The following CNTN5 variants were observed in gnomAD, a reference collection of about 807,000 sequenced individuals.
CNTN5 encodes contactin-5.
In CNTN5, 77 loss-of-function variants were observed where a neutral mutation model predicts 129.1. That is an observed-to-expected ratio of 0.60 (90% confidence interval 0.50 to 0.72). The LOEUF is 0.72. CNTN5 is among the 30% of genes least tolerant of loss of function. The pLI, the probability that CNTN5 is intolerant of heterozygous loss-of-function variation, is 0.00. For missense variants in CNTN5, 1,478 were observed against 1,328.8 expected, an observed-to-expected ratio of 1.11 and a Z score of -1.75; for synonymous variants, 509 against 465.6, an observed-to-expected ratio of 1.09 and a Z score of -1.20.
intron 1 of CNTN5, among the ~76,000 whole-genome samples, chr11:99,321,110 G>A (rs1422553320): frequency 6.6e-6 from 1 of 151,990 alleles, no homozygotes; most frequent in Admixed American, 6.6e-5. Flanking sequence ...TGGACTGGAA[G>A]TACGTTTTTG....
At chr11:99,984,028 G>A (rs1398773047) in intron 8 of CNTN5, among the ~76,000 whole-genome samples, 1 of 152,172 alleles carries the variant, frequency 6.6e-6, no homozygotes, top group Non-Finnish European at 1.5e-5. Flanking sequence ...AGCACTTTGG[G>A]AGGCTGAGGC....
intron 2 of CNTN5, among the ~76,000 whole-genome samples, chr11:99,543,536 T>C (rs1190474307): frequency 3.3e-5 from 5 of 152,174 alleles, no homozygotes; most frequent in African/African-American, 1.2e-4. Context: ...ATCTCAAAGA[T>C]TGTGTGAGTC....
chr11:99,289,018 C>T (rs1219812761), intron 1 of CNTN5, among the ~76,000 whole-genome samples: 1 of 151,774 alleles, frequency 6.6e-6, no homozygotes, highest in Admixed American at 6.6e-5. Context: ...AGATTTCCTT[C>T]CCAGTTCCAC....
chr11:99,677,900 C>T (rs1016647659), intron 3 of CNTN5, among the ~76,000 whole-genome samples: 1 of 152,044 alleles, frequency 6.6e-6, no homozygotes, highest in African/African-American at 2.4e-5. Flanking sequence ...TACCAAACAC[C>T]TTTTCATTAC....
At chr11:99,023,743 C>G (rs1287243152) in intron 1 of CNTN5, among the ~76,000 whole-genome samples, 1 of 152,012 alleles carries the variant, frequency 6.6e-6, no homozygotes, top group Non-Finnish European at 1.5e-5. Context: ...ATCTTGATTA[C>G]CTATTGTCTT....
chr11:99,825,199 CTT>C (rs1488522958), intron 4 of CNTN5, among the ~76,000 whole-genome samples: 2 of 151,942 alleles, frequency 1.3e-5, no homozygotes, highest in Non-Finnish European at 2.9e-5. Flanking sequence ...CTGCCAGACT[CTT>C]TAATTTCTTT....
At position 99,754,138 on chromosome 11, in the gene CNTN5, C is replaced by T. The variant is rs111694599; in HGVS notation, c.56-65406C>T. On this transcript the variant is annotated intron_variant, in intron 3 of 24. Transcript: ENST00000524871. ...CCAAACTGGCTTTATGGCTGTTGTC[C>T]ATTTGATTGCTTAGCGTGTGTATCT... 4.9e-3 allele frequency among the ~76,000 whole-genome samples: 744 copies of T among 152,204 alleles called. 10 individuals carry two copies. Among genetic ancestry groups the T allele is most frequent in the African/African-American group, 0.016 (647 of 41,526 alleles).
intron 15 of CNTN5, among the ~76,000 whole-genome samples, chr11:100,213,286 A>G (rs988227174): frequency 2.0e-5 from 3 of 152,174 alleles, no homozygotes; most frequent in Admixed American, 6.5e-5. Context: ...TACAACTTTG[A>G]AAGTCTTTTA....
chr11:99,917,931 T>G (rs934112722), intron 7 of CNTN5, among the ~76,000 whole-genome samples: 5 of 152,104 alleles, frequency 3.3e-5, no homozygotes, highest in Admixed American at 3.3e-4. Context: ...GTAATCGTGT[T>G]TTACATCCGA....
At chr11:100,112,777 A>C (rs954189222) in intron 13 of CNTN5, among the ~76,000 whole-genome samples, 2 of 152,174 alleles carry the variant, frequency 1.3e-5, no homozygotes, top group African/African-American at 4.8e-5. Flanking sequence ...TTTCAGACTA[A>C]AGGTCATGAC....
At chr11:99,097,488 T>A (rs1866527369) in intron 1 of CNTN5, among the ~76,000 whole-genome samples, 1 of 151,980 alleles carries the variant, frequency 6.6e-6, no homozygotes, top group South Asian at 2.1e-4. Flanking sequence ...GATATTTACA[T>A]AATTTTGAAA....
At chr11:100,061,464 C>A (rs1372533333) in intron 10 of CNTN5, 71 bp downstream of exon 10, 1 of 1,150,224 alleles carries the variant, frequency 8.7e-7, no homozygotes, top group Non-Finnish European at 1.2e-6. Flanking sequence ...TTAACTTTAA[C>A]TAAATATTGT....
chr11:99,724,862 A>T, intron 3 of CNTN5, among the ~76,000 whole-genome samples: 1 of 152,230 alleles, frequency 6.6e-6, no homozygotes, highest in East Asian at 1.9e-4. Context: ...AAGCTGTTAT[A>T]TATGTTGCCT....
In CNTN5 at chr11:100,002,205, C is replaced by T. The variant is rs1050278860; in HGVS notation, c.980+69C>T. The T allele has an allele frequency of 1.2e-5, 13 of 1,072,802 alleles. No homozygotes were observed. The African/African-American group carries it at 1.8e-4, about 15-fold the overall frequency. 66.5% of individuals were successfully genotyped at this position (1,072,802 alleles called of 1,614,324 possible). A position where few individuals can be genotyped will look rare whatever the true frequency, so the allele number is the denominator to read the frequency against. Reference sequence around the variant, plus strand: ...AATGTGACATATCTTATTTTTGGATCACTTATTTTGCTAGGTGTCATTTCC... The same window carrying T: ...AATGTGACATATCTTATTTTTGGATTACTTATTTTGCTAGGTGTCATTTCC... On this transcript the variant is annotated intron_variant, in intron 9 of 24. Coordinates refer to ENST00000524871, the MANE Select transcript of CNTN5 (RefSeq NM_014361.4).
chr11:100,356,072 C>T lies in CNTN5; in HGVS notation c.3200-45C>T, dbSNP rs200435723. Reference sequence around the variant, plus strand: ...AAAAACAATTCTGTCCTAGCTCAAGCAAAACCAAGATAATTTGCTCCATTT... The same window carrying T: ...AAAAACAATTCTGTCCTAGCTCAAGTAAAACCAAGATAATTTGCTCCATTT... On this transcript the variant is annotated intron_variant, in intron 24 of 24. Transcript: ENST00000524871. The T allele has an allele frequency of 7.2e-6, 10 of 1,379,894 alleles. No homozygotes were observed. In the African/African-American group the frequency reaches 1.3e-4, roughly 18 times the overall value. The allele number at this position is 1,379,894 out of a possible 1,614,324, so 85.5% of individuals were successfully genotyped here. A position where few individuals can be genotyped will look rare whatever the true frequency, so the allele number is the denominator to read the frequency against.
intron 2 of CNTN5, among the ~76,000 whole-genome samples, chr11:99,467,912 A>G (rs935177872): frequency 6.6e-6 from 1 of 152,016 alleles, no homozygotes; most frequent in African/African-American, 2.4e-5. Flanking sequence ...GGTGGTATTG[A>G]GATTGGGAAA....
intron 3 of CNTN5, among the ~76,000 whole-genome samples, chr11:99,567,764 C>T (rs766715846): frequency 6.6e-6 from 1 of 152,154 alleles, no homozygotes; most frequent in Non-Finnish European, 1.5e-5. Context: ...GAGACTACCT[C>T]TGTGTGGAAA....
chr11:99,211,933 G>A (rs1283924749), intron 1 of CNTN5, among the ~76,000 whole-genome samples: 1 of 151,918 alleles, frequency 6.6e-6, no homozygotes, highest in Admixed American at 6.6e-5. Flanking sequence ...GTGATAATTT[G>A]TTTCATATTT....
intron 23 of CNTN5, among the ~76,000 whole-genome samples, chr11:100,341,432 C>A (rs1473542380): frequency 6.6e-6 from 1 of 152,112 alleles, no homozygotes; most frequent in East Asian, 1.9e-4. Flanking sequence ...GGAAAAGTAG[C>A]GACAATCTGA....
Sources: allele counts gnomAD v4.1 joint callset (sites outside exome capture counted in the v4.1 genomes callset), GRCh38; gene constraint gnomAD v4.1.1; transcripts MANE v1.5; gene names NCBI Gene and HGNC (gene_info 2026-07-23, HGNC 2026-07-21).